NAALAD2: variants seen among roughly 807,000 people sequenced by gnomAD.
The protein encoded by NAALAD2 is N-acetylated-alpha-linked acidic dipeptidase 2.
A neutral mutation model predicts 95.6 loss-of-function variants in NAALAD2; 89 were observed. The observed-to-expected ratio is 0.93, with a 90% CI of 0.78 to 1.11. The LOEUF is 1.11. Among genes scored for constraint, NAALAD2 ranks in the 50% least tolerant of loss-of-function variants. The pLI is 0.00. For missense variants in NAALAD2, 894 were observed against 872.4 expected, an observed-to-expected ratio of 1.02 and a Z score of -0.31; for synonymous variants, 264 against 294.4, an observed-to-expected ratio of 0.90 and a Z score of 1.06.
At chr11:90,156,789 G>A (rs1310524920) in intron 6 of NAALAD2, among the ~76,000 whole-genome samples, 2 of 152,104 alleles carry the variant, frequency 1.3e-5, no homozygotes, top group African/African-American at 4.8e-5. Context: ...GGGTCTTGTT[G>A]TGTTGCCTAG....
chr11:90,171,023 C>T (rs945027723), intron 13 of NAALAD2, among the ~76,000 whole-genome samples: 33 of 152,090 alleles, frequency 2.2e-4, no homozygotes, highest in African/African-American at 8.0e-4. Context: ...TAAGTAGTTG[C>T]AAGTCTAAAG....
chr11:90,156,237 A>T (rs1377165674), intron 6 of NAALAD2, among the ~76,000 whole-genome samples: 2 of 151,694 alleles, frequency 1.3e-5, no homozygotes, highest in Non-Finnish European at 2.9e-5. Context: ...TCTTTTTTTA[A>T]ATTTAAATAG....
At chr11:90,170,576 CTT>C (rs1431130279) in intron 13 of NAALAD2, among the ~76,000 whole-genome samples, 1 of 152,150 alleles carries the variant, frequency 6.6e-6, no homozygotes, top group Non-Finnish European at 1.5e-5. Flanking sequence ...AATTCGAAGA[CTT>C]TGTAATCTAG....
intron 18 of NAALAD2, among the ~76,000 whole-genome samples, chr11:90,189,134 C>G (rs1337343041): frequency 6.8e-6 from 1 of 147,664 alleles, no homozygotes; most frequent in Non-Finnish European, 1.5e-5. Context: ...CGAAAAGACT[C>G]ATCTAAAATG....
chr11:90,151,134 G>C (rs537959678), intron 5 of NAALAD2, among the ~76,000 whole-genome samples: 1 of 152,016 alleles, frequency 6.6e-6, no homozygotes, highest in South Asian at 2.1e-4. Flanking sequence ...CATATCACCT[G>C]GGTTCTTGTC....
chr11:90,148,065 C>T (rs148636970), intron 3 of NAALAD2, among the ~76,000 whole-genome samples: 4 of 152,118 alleles, frequency 2.6e-5, no homozygotes, highest in Non-Finnish European at 5.9e-5. Context: ...CATAGAAGGG[C>T]GTGTATGCTG....
chr11:90,187,279 C>A (rs1377795449), intron 18 of NAALAD2, among the ~76,000 whole-genome samples: 1 of 151,996 alleles, frequency 6.6e-6, no homozygotes, highest in Non-Finnish European at 1.5e-5. Context: ...CCTCAGGGAT[C>A]TAGAACTAGA....
intron 18 of NAALAD2, among the ~76,000 whole-genome samples, chr11:90,188,708 G>T (rs1434869379): frequency 6.6e-6 from 1 of 152,162 alleles, no homozygotes; most frequent in African/African-American, 2.4e-5. Context: ...ATAGCAGCAT[G>T]CTTGATAAAT....
At chr11:90,145,441 A>G (rs185431424) in intron 2 of NAALAD2, among the ~76,000 whole-genome samples, 4 of 152,344 alleles carry the variant, frequency 2.6e-5, no homozygotes, top group East Asian at 1.9e-4. Flanking sequence ...CAAGAATCAT[A>G]TCTGCTCTAT....
At chr11:90,160,410 G>C (rs867955614) in intron 8 of NAALAD2, among the ~76,000 whole-genome samples, 39 of 152,152 alleles carry the variant, frequency 2.6e-4, no homozygotes, top group African/African-American at 9.4e-4. Flanking sequence ...TATTAAATCA[G>C]TCTTCTTTGC....
At chr11:90,181,328 G>C (rs546912757) in intron 16 of NAALAD2, among the ~76,000 whole-genome samples, 1 of 151,998 alleles carries the variant, frequency 6.6e-6, no homozygotes, top group Non-Finnish European at 1.5e-5. Context: ...ATGAATGAAT[G>C]AATTAATAAA....
chr11:90,137,799 T>TTTGTTG (rs544029888), intron 2 of NAALAD2, among the ~76,000 whole-genome samples: 3 of 151,752 alleles, frequency 2.0e-5, no homozygotes, highest in East Asian at 1.9e-4. Flanking sequence ...TTTTATTTAT[T>TTTGTTG]TTGTTGTTGT....
At chr11:90,139,840 C>T (rs1268414079) in intron 2 of NAALAD2, among the ~76,000 whole-genome samples, 1 of 146,014 alleles carries the variant, frequency 6.8e-6, no homozygotes, top group Non-Finnish European at 1.5e-5. Flanking sequence ...GCCATGACAG[C>T]TTCACAAACT....
At chr11:90,185,101 C>A (rs1472729738) in intron 18 of NAALAD2, among the ~76,000 whole-genome samples, 1 of 151,816 alleles carries the variant, frequency 6.6e-6, no homozygotes, top group Non-Finnish European at 1.5e-5. Flanking sequence ...GATTCTGGAA[C>A]CAATCCCCCA....
At chr11:90,185,205 G>A (rs7930900) in intron 18 of NAALAD2, among the ~76,000 whole-genome samples, 97,185 of 151,000 alleles carry the variant, frequency 0.64, 31,923 homozygotes, top group South Asian at 0.75. Flanking sequence ...TTCCATAAAA[G>A]TGTACACACA....
chr11:90,189,482 T>C (rs942870237), intron 18 of NAALAD2, among the ~76,000 whole-genome samples: 1 of 152,146 alleles, frequency 6.6e-6, no homozygotes, highest in Non-Finnish European at 1.5e-5. Flanking sequence ...TCTAGAAACA[T>C]TTGTGGCCGG....
chr11:90,162,270 G>T (rs373448073), intron 8 of NAALAD2, among the ~76,000 whole-genome samples: 2 of 152,036 alleles, frequency 1.3e-5, no homozygotes, highest in East Asian at 3.9e-4. Flanking sequence ...TTTCTAATTC[G>T]GTTGATTGTA....
rs192359998 is a variant in NAALAD2 at position 90,147,281 on chromosome 11, C to T, written c.195-49C>T. 331 of 1,427,270 alleles carry T rather than the reference C, an allele frequency of 2.3e-4. 1 individual carries two copies. The Middle Eastern group carries it at 2.9e-3, about 12-fold the overall frequency. 88.4% of individuals were successfully genotyped at this position (1,427,270 alleles called of 1,614,324 possible). A position where few individuals can be genotyped will look rare whatever the true frequency, so the allele number is the denominator to read the frequency against. On this transcript the variant is annotated intron_variant, in intron 2 of 18. Transcript: ENST00000534061. ...CATTTAGAATAGTTCTTAGGCACAT[C>T]GTCTGAGCATAGTCTTTAATGCCCT... is the stretch of plus-strand genomic sequence containing the variant.
chr11:90,190,967 A>C (rs1186773419), intron 18 of NAALAD2, among the ~76,000 whole-genome samples: 1 of 152,108 alleles, frequency 6.6e-6, no homozygotes, highest in Non-Finnish European at 1.5e-5. Flanking sequence ...ACTTATGTTG[A>C]AGTAGAAAAG....
Sources: gnomAD v4.1 joint callset for allele counts (sites outside exome capture counted in the v4.1 genomes callset) on GRCh38, gnomAD v4.1.1 for gene constraint, MANE v1.5 for transcripts, NCBI Gene and HGNC (gene_info 2026-07-23, HGNC 2026-07-21) for gene names.